Variants in TPP2 observed in about 807,000 individuals in gnomAD.
TPP2 encodes tripeptidyl-peptidase 2.
A neutral mutation model predicts 155.9 loss-of-function variants in TPP2; 34 were observed. That is an observed-to-expected ratio of 0.22 (90% CI 0.17 to 0.29). The LOEUF is 0.29. Ranked by LOEUF, TPP2 falls within the 10% of genes least tolerant of loss-of-function variation. The pLI, the probability that TPP2 is intolerant of heterozygous loss-of-function variation, is 1.00. For synonymous variants in TPP2, 510 were observed against 529.4 expected (o/e 0.96, Z 0.50); for missense variants, 1,028 against 1,522.3 (o/e 0.68, Z 5.40).
intron 2 of TPP2, among the ~76,000 whole-genome samples, chr13:102,606,976 G>A (rs1333596080): frequency 6.6e-6 from 1 of 152,132 alleles, no homozygotes; most frequent in East Asian, 1.9e-4. Flanking sequence ...ATGAGTATGT[G>A]TCCCCTCAGG....
chr13:102,646,125 T>G (rs1883083762), intron 19 of TPP2, among the ~76,000 whole-genome samples, 169 bp from the exon 20 acceptor site: 1 of 152,226 alleles, frequency 6.6e-6, no homozygotes, highest in Non-Finnish European at 1.5e-5. Context: ...AATCAAATAA[T>G]TATGTAAGTT....
intron 2 of TPP2, among the ~76,000 whole-genome samples, chr13:102,609,559 G>A (rs111249331): frequency 2.0e-5 from 3 of 151,644 alleles, no homozygotes; most frequent in Non-Finnish European, 2.9e-5. Context: ...CACCACACCC[G>A]GCTAATTTTG....
chr13:102,627,662 T>C lies in TPP2; in HGVS notation c.940-186T>C, dbSNP rs1708112802. On this transcript the variant is annotated intron_variant, in intron 7 of 29. Transcript: ENST00000376052. ...TTTTTAATGACTACTTTTTTATGTG[T>C]CTCCTCCTACCTTTTTGTGTTTATG... Among the ~76,000 whole-genome samples, 3 of 151,848 alleles carry C rather than the reference T, an allele frequency of 2.0e-5. No individual in the cohort carries two copies. In the South Asian group the frequency reaches 6.2e-4, roughly 32 times the overall value.
chr13:102,659,130 A>G (rs1009997428), intron 25 of TPP2, among the ~76,000 whole-genome samples: 3 of 152,190 alleles, frequency 2.0e-5, no homozygotes, highest in South Asian at 2.1e-4. Context: ...TTCATTTGCA[A>G]CAGAAGATGG....
chr13:102,627,317 T>C, intron 7 of TPP2, 151 bp downstream of exon 7: 1 of 584,692 alleles, frequency 1.7e-6, no homozygotes, highest in Non-Finnish European at 2.4e-6. Flanking sequence ...TACTAATTTA[T>C]TTTTAAATTA....
chr13:102,667,722 G>C, intron 27 of TPP2: 1 of 984,410 alleles, frequency 1.0e-6, no homozygotes, highest in Non-Finnish European at 1.2e-6. Flanking sequence ...ATTTAACCCA[G>C]GTCTGACAAA....
chr13:102,641,613 G>T (rs893925889), intron 16 of TPP2, among the ~76,000 whole-genome samples: 3 of 152,040 alleles, frequency 2.0e-5, no homozygotes, highest in East Asian at 3.9e-4. Context: ...CCATTTTCTG[G>T]TCATCTATCT....
intron 21 of TPP2, among the ~76,000 whole-genome samples, chr13:102,647,663 A>G (rs1883212396): frequency 1.3e-5 from 2 of 152,128 alleles, no homozygotes; most frequent in African/African-American, 4.8e-5. Flanking sequence ...TAGAATCATC[A>G]AAGCATGCAT....
intron 2 of TPP2, among the ~76,000 whole-genome samples, chr13:102,607,176 C>G (rs1224010543): frequency 6.6e-6 from 1 of 152,186 alleles, no homozygotes; most frequent in Non-Finnish European, 1.5e-5. Context: ...AAATAAGTTT[C>G]AATTGTCAGA....
At chr13:102,612,751 A>AT (rs1880418217) in intron 2 of TPP2, among the ~76,000 whole-genome samples, 1 of 152,198 alleles carries the variant, frequency 6.6e-6, no homozygotes, top group African/African-American at 2.4e-5. Context: ...CTTTGATCTC[A>AT]TTTATAATTA....
intron 2 of TPP2, among the ~76,000 whole-genome samples, chr13:102,610,760 G>A (rs2139429735): frequency 1.3e-5 from 2 of 152,268 alleles, no homozygotes; most frequent in South Asian, 4.1e-4. Flanking sequence ...AAGTACAAAA[G>A]TGAATAGAAC....
At chr13:102,646,466 G>A in intron 20 of TPP2, 76 bp downstream of exon 20, 2 of 1,142,672 alleles carry the variant, frequency 1.8e-6, no homozygotes, top group Non-Finnish European at 2.5e-6. Flanking sequence ...AATCAAAAAT[G>A]GAAGGACAGT....
chr13:102,642,478 A>G (rs541568593), intron 16 of TPP2, among the ~76,000 whole-genome samples: 1 of 152,260 alleles, frequency 6.6e-6, no homozygotes, highest in African/African-American at 2.4e-5. Context: ...CAAGTAGTTA[A>G]GAGAATTTAA....
chr13:102,631,425 A>G (rs527596335), intron 10 of TPP2: 2 of 152,366 alleles, frequency 1.3e-5, no homozygotes, highest in African/African-American at 4.8e-5. Context: ...CCAGCTAAAG[A>G]CACTCAATAA....
chr13:102,665,665 T>A (rs898103555), intron 27 of TPP2, among the ~76,000 whole-genome samples: 11 of 152,196 alleles, frequency 7.2e-5, no homozygotes, highest in Admixed American at 2.0e-4. Context: ...GTCAGTTACT[T>A]GTTTATCACT....
At chr13:102,676,589 G>A (rs1293208589) in intron 29 of TPP2, among the ~76,000 whole-genome samples, 174 bp downstream of exon 29, 2 of 152,128 alleles carry the variant, frequency 1.3e-5, no homozygotes, top group Non-Finnish European at 2.9e-5. Flanking sequence ...CAGTCAATAA[G>A]CTATTTAAAT....
Position 102,636,302 on chromosome 13 carries a change from A to G in TPP2, c.1588A>G (p.Asn530Asp). 1 of 1,613,958 alleles carries G rather than the reference A, an allele frequency of 6.2e-7. No homozygotes were observed. Among genetic ancestry groups the G allele is most frequent in the South Asian group, 1.1e-5 (1 of 91,064 alleles). The change falls in exon 13 of 30, where the codon AAC becomes GAC. Residue 530 changes from asparagine (N) to aspartate (D), a missense_variant. Physicochemically the swap from Asn to Asp is conservative, Grantham distance 23. This residue lies in a region of TPP2 where 325 missense variants were observed against 463.7 expected (regional missense o/e 0.70). Transcript: ENST00000376052. The stretch of plus-strand genomic sequence containing the variant: ...AGGTTTTACTGTTACTGTTGGAAAT[A>G]ACCGTGGCATCTACCTCCGAGATCC... ...KLGFTVTVGN[N>D]RGIYLRDPVQ... is the part of the protein sequence containing the mutation.
intron 16 of TPP2, among the ~76,000 whole-genome samples, chr13:102,640,799 G>A (rs1208736558): frequency 1.3e-5 from 2 of 151,850 alleles, no homozygotes; most frequent in African/African-American, 4.8e-5. Flanking sequence ...TAGCAGGCGT[G>A]TGCTACCACG....
intron 15 of TPP2, among the ~76,000 whole-genome samples, chr13:102,638,572 T>C (rs757986266): frequency 3.3e-5 from 5 of 152,198 alleles, no homozygotes; most frequent in Admixed American, 6.5e-5. Context: ...CACTCTGAGC[T>C]CTGCATTGCC....
Sources: gnomAD v4.1 joint callset for allele counts (sites outside exome capture counted in the v4.1 genomes callset) on GRCh38, gnomAD v4.1.1 for gene constraint, gnomAD v4.1.1 regional missense constraint, MANE v1.5 for transcripts, NCBI Gene and HGNC (gene_info 2026-07-23, HGNC 2026-07-21) for gene names.